SLC16A10: variants seen among roughly 807,000 people sequenced by gnomAD.
The protein encoded by SLC16A10 is monocarboxylate transporter 10.
A neutral mutation model predicts 40.0 loss-of-function variants in SLC16A10; 27 were observed. That is an observed-to-expected ratio of 0.67 (90% CI 0.50 to 0.93). The LOEUF (loss-of-function observed/expected upper bound fraction) is 0.93. Among genes scored for constraint, SLC16A10 ranks in the 40% least tolerant of loss-of-function variants. The pLI is 0.00. For synonymous variants in SLC16A10, 213 were observed against 249.8 expected (o/e 0.85, Z 1.39); for missense variants, 529 against 658.2 (o/e 0.80, Z 2.15).
At chr6:111,138,625 C>A (rs1256857183) in intron 1 of SLC16A10, among the ~76,000 whole-genome samples, 1 of 151,808 alleles carries the variant, frequency 6.6e-6, no homozygotes, top group African/African-American at 2.4e-5. Context: ...CCACTTAGTC[C>A]TGTGCTTGGC....
intron 4 of SLC16A10, among the ~76,000 whole-genome samples, chr6:111,210,516 T>C (rs1343323147): frequency 6.6e-6 from 1 of 152,170 alleles, no homozygotes; most frequent in Admixed American, 6.6e-5. Flanking sequence ...CATTCAAAAA[T>C]TGAGTGCCTC....
chr6:111,142,573 A>G (rs1031261649), intron 1 of SLC16A10, among the ~76,000 whole-genome samples: 3 of 152,248 alleles, frequency 2.0e-5, no homozygotes, highest in Non-Finnish European at 4.4e-5. Context: ...ACTCTAATAG[A>G]TATCTCATCA....
Position 111,143,717 on chromosome 6 carries a change from CA to C in SLC16A10, c.344-28977del, listed in dbSNP as rs1277059056. 1.2e-4 allele frequency among the ~76,000 whole-genome samples: 18 copies of C among 152,182 alleles called. 1 individual carries two copies. The highest frequency in any genetic ancestry group is 9.8e-4 in the Admixed American group (15 of 15,276). On this transcript the variant is annotated intron_variant, in intron 1 of 5. Coordinates refer to ENST00000368851, the MANE Select transcript of SLC16A10 (RefSeq NM_018593.5). ...CAGGGGAGAATGAATAGGTGGAGTACAGAAGATTTTTAGGGCAGTGAAATGT... is the reference window on the plus strand; with the variant it reads ...CAGGGGAGAATGAATAGGTGGAGTACGAAGATTTTTAGGGCAGTGAAATGT...
At chr6:111,191,417 C>G (rs189533734) in intron 3 of SLC16A10, among the ~76,000 whole-genome samples, 3,729 of 152,222 alleles carry the variant, frequency 0.024, 135 homozygotes, top group African/African-American at 0.085. Context: ...TCCAGTCTAT[C>G]ACTGATGGGC....
chr6:111,100,992 C>CTATA lies in SLC16A10; in HGVS notation c.343+12920_343+12923dup, dbSNP rs71021826. Among the ~76,000 whole-genome samples, 396 of 66,342 alleles carry CTATA rather than the reference C, an allele frequency of 6.0e-3. 1 individual carries two copies. The highest frequency in any genetic ancestry group is 0.013 in the East Asian group (29 of 2,150). The allele number at this position is 66,342 out of a possible 152,430, so 43.5% of individuals were successfully genotyped here. On this transcript the variant is annotated intron_variant, in intron 1 of 5. Coordinates refer to ENST00000368851, the MANE Select transcript of SLC16A10 (RefSeq NM_018593.5). ...TCTCTCTCTCTCTCTCTCTCTCTCTCTATATATATATATATATATATATAT... is the reference window on the plus strand; with the variant it reads ...TCTCTCTCTCTCTCTCTCTCTCTCTCTATATATATATATATATATATATATATAT...
intron 3 of SLC16A10, among the ~76,000 whole-genome samples, chr6:111,196,071 A>G (rs1470872077): frequency 6.6e-6 from 1 of 152,024 alleles, no homozygotes; most frequent in Non-Finnish European, 1.5e-5. Flanking sequence ...ACATTAAAAT[A>G]TTAGCTGAGC....
At chr6:111,193,250 G>GT (rs952294197) in intron 3 of SLC16A10, 42 of 982,464 alleles carry the variant, frequency 4.3e-5, no homozygotes, top group African/African-American at 2.8e-4. Context: ...TGCTTTTCTT[G>GT]TTTTTTTCTA....
intron 1 of SLC16A10, among the ~76,000 whole-genome samples, chr6:111,107,169 A>G (rs533059244): frequency 6.6e-6 from 1 of 152,128 alleles, no homozygotes; most frequent in African/African-American, 2.4e-5. Flanking sequence ...AATGTACACT[A>G]TGAAAAAAAA....
At chr6:111,164,872 AT>A (rs1340250495) in intron 1 of SLC16A10, among the ~76,000 whole-genome samples, 2 of 152,222 alleles carry the variant, frequency 1.3e-5, no homozygotes, top group Non-Finnish European at 2.9e-5. Flanking sequence ...AGACATTTGT[AT>A]TTTACCAATA....
rs181042832 is a variant in SLC16A10, at chr6:111,129,424, T to A, written c.343+41329T>A. Among the ~76,000 whole-genome samples, 41 of 152,378 alleles carry A rather than the reference T, an allele frequency of 2.7e-4. 1 individual carries two copies. The highest frequency in any genetic ancestry group is 9.6e-4 in the African/African-American group (40 of 41,592). On this transcript the variant is annotated intron_variant, in intron 1 of 5. Transcript: ENST00000368851. ...GGTTAGCACTTCAGTGAATAGGCAA[T>A]GCATTATAATTTGTCAGAATTATCA...
chr6:111,229,993 T>TTTTTTTTC lies in SLC16A10; in HGVS notation c.*7765_*7766insCTTTTTTT, dbSNP rs1554262689. Reference sequence around the variant, plus strand: ...GTTTCTTTTTCTTTCTTTGTTTCTTTTTTTTTTTTTTTTTTGAGATGGAGT... The same window carrying TTTTTTTTC: ...GTTTCTTTTTCTTTCTTTGTTTCTTTTTTTTTTCTTTTTTTTTTTTTTTGAGATGGAGT... On this transcript the variant is annotated 3_prime_UTR_variant, in exon 6 of 6. Coordinates refer to ENST00000368851, the MANE Select transcript of SLC16A10 (RefSeq NM_018593.5). 4 of 126,882 alleles carry TTTTTTTTC rather than the reference T, an allele frequency of 3.2e-5. No homozygotes were observed. Among genetic ancestry groups the TTTTTTTTC allele is most frequent in the African/African-American group, 1.2e-4 (4 of 32,054 alleles). 7.9% of individuals were successfully genotyped at this position (126,882 alleles called of 1,614,324 possible).
intron 1 of SLC16A10, among the ~76,000 whole-genome samples, chr6:111,094,819 T>TA (rs1382426424): frequency 6.6e-6 from 1 of 152,128 alleles, no homozygotes; most frequent in Non-Finnish European, 1.5e-5. Context: ...AAAAAATTTT[T>TA]ATGTGGAGAT....
At chr6:111,136,866 A>C (rs951267777) in intron 1 of SLC16A10, among the ~76,000 whole-genome samples, 1 of 152,232 alleles carries the variant, frequency 6.6e-6, no homozygotes, top group Admixed American at 6.5e-5. Flanking sequence ...GGAGAAGGAA[A>C]AAGGGCAAAT....
intron 1 of SLC16A10, among the ~76,000 whole-genome samples, chr6:111,154,157 A>T (rs1772225986): frequency 6.6e-6 from 1 of 152,114 alleles, no homozygotes; most frequent in African/African-American, 2.4e-5. Context: ...CCTTGTAAAA[A>T]TTTTTCTTCT....
At chr6:111,203,635 T>C (rs12212282) in intron 3 of SLC16A10, among the ~76,000 whole-genome samples, 15,416 of 151,662 alleles carry the variant, frequency 0.1, 1,037 homozygotes, top group Middle Eastern at 0.17. Context: ...GGGAGGAGAA[T>C]CGCTTGAACC....
chr6:111,099,000 A>G (rs1482515920), intron 1 of SLC16A10, among the ~76,000 whole-genome samples: 2 of 152,210 alleles, frequency 1.3e-5, no homozygotes, highest in African/African-American at 4.8e-5. Context: ...TCAGAGAAAA[A>G]TGTTACTGTG....
At chr6:111,169,929 T>TTTG (rs1583341472) in intron 1 of SLC16A10, among the ~76,000 whole-genome samples, 1 of 149,976 alleles carries the variant, frequency 6.7e-6, no homozygotes, top group East Asian at 1.9e-4. Flanking sequence ...CTTTTTTTTT[T>TTTG]TTTTTGAGAC....
rs530710266 is a variant in SLC16A10, at chr6:111,217,680, G to A, written c.1087-1134G>A. On this transcript the variant is annotated intron_variant, in intron 4 of 5. Transcript: ENST00000368851. ...TTAGCCAGGATGGTCTCGATCTCCC[G>A]ACCTCATGATCTGCCCACCTCGGCC... Among the ~76,000 whole-genome samples, 9 of 152,100 alleles carry A rather than the reference G, an allele frequency of 5.9e-5. No homozygotes were observed. In the South Asian group the frequency reaches 1.7e-3, roughly 28 times the overall value.
chr6:111,116,440 A>G (rs1055951195), intron 1 of SLC16A10, among the ~76,000 whole-genome samples: 2 of 151,742 alleles, frequency 1.3e-5, no homozygotes, highest in African/African-American at 4.8e-5. Flanking sequence ...CTGGTCTCGA[A>G]CTCCTGACCT....
Sources: allele counts gnomAD v4.1 joint callset (sites outside exome capture counted in the v4.1 genomes callset), GRCh38; gene constraint gnomAD v4.1.1; transcripts MANE v1.5; gene names NCBI Gene and HGNC (gene_info 2026-07-23, HGNC 2026-07-21).